Variants in MAP3K13 observed in about 807,000 individuals in gnomAD.
MAP3K13 encodes leucine zipper-bearing kinase.
Under a neutral mutation model 104.0 loss-of-function variants are expected in MAP3K13, and 52 were observed. That is an observed-to-expected ratio of 0.50 (90% confidence interval 0.40 to 0.63). MAP3K13 has a LOEUF of 0.63. Among genes scored for constraint, MAP3K13 ranks in the 20% least tolerant of loss-of-function variants. The probability of loss-of-function intolerance (pLI) is 0.00; values close to 1 mark genes in which losing one functional copy is unlikely to be tolerated. For missense variants in MAP3K13, 914 were observed against 1,218.5 expected, an observed-to-expected ratio of 0.75 and a Z score of 3.72; for synonymous variants, 394 against 442.2, an observed-to-expected ratio of 0.89 and a Z score of 1.37.
intron 1 of MAP3K13, among the ~76,000 whole-genome samples, chr3:185,404,354 T>G (rs1712985108): frequency 6.6e-6 from 1 of 152,146 alleles, no homozygotes; most frequent in African/African-American, 2.4e-5. Flanking sequence ...TCTTTTGTGG[T>G]CCCCACTGCC....
intron 2 of MAP3K13, among the ~76,000 whole-genome samples, chr3:185,348,615 G>C (rs370806428): frequency 3.0e-4 from 45 of 152,206 alleles, no homozygotes; most frequent in African/African-American, 1.1e-3. Flanking sequence ...TAGACCACGA[G>C]GAGTGGCTAT....
chr3:185,291,539 G>T (rs1720738370), intron 2 of MAP3K13: 1 of 1,311,472 alleles, frequency 7.6e-7, no homozygotes, highest in Non-Finnish European at 1.0e-6. Context: ...TGACCCAAAA[G>T]TAGTTTTTAA....
intron 2 of MAP3K13, among the ~76,000 whole-genome samples, chr3:185,436,808 G>A (rs944937680): frequency 7.2e-5 from 11 of 151,910 alleles, no homozygotes; most frequent in African/African-American, 2.7e-4. Flanking sequence ...TTCGAGACCA[G>A]TCTGACCAAC....
intron 2 of MAP3K13, 124 bp downstream of exon 2, chr3:185,429,180 T>G: frequency 2.3e-6 from 2 of 855,874 alleles, no homozygotes; most frequent in Non-Finnish European, 3.6e-6. Context: ...GACAGATGAA[T>G]ACCTCATTTC....
intron 1 of MAP3K13, among the ~76,000 whole-genome samples, chr3:185,410,590 A>G (rs977787479): frequency 9.9e-5 from 15 of 152,196 alleles, no homozygotes; most frequent in Admixed American, 8.5e-4. Context: ...GTATTGAAAC[A>G]TCACTATGTA....
At chr3:185,294,395 G>T (rs984047274) in intron 2 of MAP3K13, among the ~76,000 whole-genome samples, 12 of 152,142 alleles carry the variant, frequency 7.9e-5, no homozygotes, top group African/African-American at 2.9e-4. Context: ...GTACTGAAAT[G>T]CTGTCTTTAG....
At chr3:185,352,089 T>C (rs1397158126) in intron 2 of MAP3K13, among the ~76,000 whole-genome samples, 5 of 152,276 alleles carry the variant, frequency 3.3e-5, no homozygotes, top group African/African-American at 1.2e-4. Context: ...TGGTCACGTG[T>C]ACAGCCAGGA....
chr3:185,307,943 G>A (rs1407092834), intron 2 of MAP3K13, among the ~76,000 whole-genome samples: 1 of 139,402 alleles, frequency 7.2e-6, no homozygotes, highest in Non-Finnish European at 1.5e-5. Context: ...AGTGCATTGA[G>A]TTTCTTTAAG....
chr3:185,437,751 G>A (rs1408626333), intron 3 of MAP3K13, 121 bp downstream of exon 3: 1 of 949,038 alleles, frequency 1.1e-6, no homozygotes, highest in Admixed American at 2.7e-5. Context: ...ACTGTGCTAG[G>A]TGCTTTGGGA....
At chr3:185,456,821 G>C (rs34106993) in intron 7 of MAP3K13, among the ~76,000 whole-genome samples, 2 of 151,834 alleles carry the variant, frequency 1.3e-5, no homozygotes, top group Admixed American at 6.6e-5. Flanking sequence ...GGCTGGTCTC[G>C]AACTCTTCAC....
In MAP3K13 at chr3:185,301,315, AT is replaced by A. The variant is rs71632059; in HGVS notation, c.-86+15685del. On this transcript the variant is annotated intron_variant, in intron 2 of 14. Coordinates refer to the MAP3K13 transcript ENST00000424227. ...AGTTCTTTGCCCATTTTTAAATTGG[AT>A]TTTTTTTTTTTTATTATTGAGTTGT... Among the ~76,000 whole-genome samples, 280 of 106,698 alleles carry A rather than the reference AT, an allele frequency of 2.6e-3. 2 individuals carry two copies. The highest frequency in any genetic ancestry group is 5.3e-3 in the Admixed American group (55 of 10,446). 70.0% of individuals were successfully genotyped at this position (106,698 alleles called of 152,430 possible).
At chr3:185,465,951 G>C (rs1717391757) in intron 9 of MAP3K13, 88 bp downstream of exon 9, 1 of 941,354 alleles carries the variant, frequency 1.1e-6, no homozygotes. Context: ...CTGCTACTCA[G>C]AACTGGCAGA....
chr3:185,421,070 G>C (rs769989349), intron 1 of MAP3K13, among the ~76,000 whole-genome samples: 13 of 152,166 alleles, frequency 8.5e-5, no homozygotes, highest in Admixed American at 2.6e-4. Flanking sequence ...CACCCTTTGC[G>C]GATCGGGACC....
chr3:185,460,527 C>A lies in MAP3K13; in HGVS notation c.1279-3023C>A, dbSNP rs1007557427. Among the ~76,000 whole-genome samples, 3 of 152,300 alleles carry A rather than the reference C, an allele frequency of 2.0e-5. No homozygotes were observed. The East Asian group carries it at 5.8e-4, about 29-fold the overall frequency. On this transcript the variant is annotated intron_variant, in intron 7 of 13. Coordinates refer to ENST00000265026, the MANE Select transcript of MAP3K13 (RefSeq NM_004721.5). ...TTAGCCTTCTCTCTCAGAGCTTCCT[C>A]GATAGCTGTGCAAATTGGCTGTGGG...
At chr3:185,375,346 G>A (rs1705971404) in intron 1 of MAP3K13, among the ~76,000 whole-genome samples, 1 of 152,076 alleles carries the variant, frequency 6.6e-6, no homozygotes, top group African/African-American at 2.4e-5. Context: ...GGGAAGGGAG[G>A]GGGCCTGAGA....
At chr3:185,351,173 C>T in intron 2 of MAP3K13, among the ~76,000 whole-genome samples, 1 of 152,106 alleles carries the variant, frequency 6.6e-6, no homozygotes, top group Non-Finnish European at 1.5e-5. Flanking sequence ...TACACATGGA[C>T]AATAGACATC....
At chr3:185,309,177 G>T (rs150093543) in intron 2 of MAP3K13, among the ~76,000 whole-genome samples, 17 of 152,140 alleles carry the variant, frequency 1.1e-4, no homozygotes, top group African/African-American at 4.1e-4. Context: ...TCTTTTAGGG[G>T]TACATAACTG....
intron 1 of MAP3K13, among the ~76,000 whole-genome samples, chr3:185,410,458 A>G (rs1393432599): frequency 6.6e-6 from 1 of 152,136 alleles, no homozygotes; most frequent in Non-Finnish European, 1.5e-5. Context: ...TATCGTTAAC[A>G]ATAATATATA....
chr3:185,461,505 CTCTT>C (rs66603463), intron 7 of MAP3K13, among the ~76,000 whole-genome samples: 115,161 of 151,746 alleles, frequency 0.76, 44,881 homozygotes, highest in Non-Finnish European at 0.86. Flanking sequence ...CAGAAAGATA[CTCTT>C]TCTATTATTG....
Sources: gnomAD v4.1 joint callset for allele counts (sites outside exome capture counted in the v4.1 genomes callset) on GRCh38, gnomAD v4.1.1 for gene constraint, MANE v1.5 for transcripts, NCBI Gene and HGNC (gene_info 2026-07-23, HGNC 2026-07-21) for gene names.